The following MAPK10 variants were observed in gnomAD, a reference collection of about 807,000 sequenced individuals.
MAPK10 encodes mitogen-activated protein kinase 10.
In MAPK10, 25 loss-of-function variants were observed where a neutral mutation model predicts 59.3. The observed-to-expected ratio is 0.42, with a 90% confidence interval of 0.31 to 0.59. The LOEUF is 0.59. Ranked by LOEUF, MAPK10 falls within the 20% of genes least tolerant of loss-of-function variation. MAPK10 has a pLI of 0.15. For synonymous variants in MAPK10, 190 were observed against 200.5 expected, an observed-to-expected ratio of 0.95 and a Z score of 0.44; for missense variants, 351 against 568.9, an observed-to-expected ratio of 0.62 and a Z score of 3.90.
At chr4:86,592,848 T>C (rs1268615143) in intron 1 of MAPK10, among the ~76,000 whole-genome samples, 1 of 152,220 alleles carries the variant, frequency 6.6e-6, no homozygotes, top group African/African-American at 2.4e-5. Context: ...CCATTTTACA[T>C]AGCAAACTTT....
chr4:86,203,307 G>A (rs1330838536), intron 2 of MAPK10, among the ~76,000 whole-genome samples: 1 of 151,854 alleles, frequency 6.6e-6, no homozygotes, highest in East Asian at 1.9e-4. Context: ...GAATTTATTA[G>A]GCTGAATTGG....
intron 11 of MAPK10, among the ~76,000 whole-genome samples, chr4:86,055,111 T>A (rs2054731999): frequency 6.6e-6 from 1 of 152,196 alleles, no homozygotes; most frequent in Admixed American, 6.5e-5. Flanking sequence ...ACCAGTGACC[T>A]GCACACAGAT....
At chr4:86,035,026 A>T (rs550619100) in intron 11 of MAPK10, among the ~76,000 whole-genome samples, 13 of 152,296 alleles carry the variant, frequency 8.5e-5, no homozygotes, top group Non-Finnish European at 1.8e-4. Context: ...GTGACAAGAT[A>T]TAAGAGCTGT....
intron 2 of MAPK10, among the ~76,000 whole-genome samples, chr4:86,274,576 T>G (rs1038989613): frequency 1.3e-5 from 2 of 152,008 alleles, no homozygotes; most frequent in African/African-American, 2.4e-5. Flanking sequence ...TTTACTTTCT[T>G]TTCCCTCTTG....
chr4:86,392,553 T>C (rs1341770899), intron 1 of MAPK10: 1 of 152,068 alleles, frequency 6.6e-6, no homozygotes, highest in African/African-American at 2.4e-5. Flanking sequence ...CCCTTTTTAC[T>C]AAGCTATTTT....
chr4:86,047,640 G>A (rs71603479), intron 11 of MAPK10, among the ~76,000 whole-genome samples: 13,113 of 152,164 alleles, frequency 0.086, 798 homozygotes, highest in Non-Finnish European at 0.13. Context: ...GTGTGTGTAC[G>A]TGTGTGTGTG....
intron 2 of MAPK10, among the ~76,000 whole-genome samples, chr4:86,278,660 C>T (rs1460395689): frequency 6.6e-6 from 1 of 151,974 alleles, no homozygotes; most frequent in Non-Finnish European, 1.5e-5. Flanking sequence ...AAAAAATAAA[C>T]ATATAGTCAC....
chr4:86,237,986 T>C (rs2092406026), intron 2 of MAPK10, among the ~76,000 whole-genome samples: 1 of 152,234 alleles, frequency 6.6e-6, no homozygotes, highest in Non-Finnish European at 1.5e-5. Context: ...GGGTTTTACA[T>C]TTAAGTCATT....
chr4:86,262,760 C>G (rs888833172), intron 2 of MAPK10, among the ~76,000 whole-genome samples: 2 of 152,146 alleles, frequency 1.3e-5, no homozygotes, highest in African/African-American at 4.8e-5. Context: ...ATTCAGTTGC[C>G]CCAGCTCTGC....
chr4:86,107,508 G>A (rs997199417), intron 4 of MAPK10, 156 bp from the exon 5 acceptor site: 4 of 1,316,404 alleles, frequency 3.0e-6, no homozygotes, highest in Non-Finnish European at 3.9e-6. Flanking sequence ...GTAAAGATAT[G>A]AGTGACTGGC....
In MAPK10 at chr4:86,034,148, G is replaced by A. The variant is rs144500555; in HGVS notation, c.1111-2717C>T. Among the ~76,000 whole-genome samples the A allele has an allele frequency of 1.3e-3, 203 of 152,274 alleles. 1 individual carries two copies. Among genetic ancestry groups the A allele is most frequent in the African/African-American group, 4.5e-3 (189 of 41,562 alleles). On this transcript the variant is annotated intron_variant, in intron 11 of 13. Transcript: ENST00000641462. ...GAGTTTAGCAGATAAGAGTAATTGA[G>A]ATGTGAGAAATGAAGGATAAGAGGA...
At chr4:86,356,755 A>G (rs1418902012) in intron 1 of MAPK10, 1 of 152,216 alleles carries the variant, frequency 6.6e-6, no homozygotes, top group Non-Finnish European at 1.5e-5. Flanking sequence ...TCAGCAGTAC[A>G]GTGTCTCATC....
intron 2 of MAPK10, among the ~76,000 whole-genome samples, chr4:86,206,675 G>T (rs1344579163): frequency 1.3e-5 from 2 of 152,168 alleles, no homozygotes; most frequent in African/African-American, 2.4e-5. Context: ...GTGTAAAATT[G>T]TTCCTATTTC....
chr4:86,053,167 T>C (rs1352669460), intron 11 of MAPK10, among the ~76,000 whole-genome samples: 2 of 152,168 alleles, frequency 1.3e-5, no homozygotes, highest in Non-Finnish European at 2.9e-5. Context: ...GGTACAGAAC[T>C]GATGTGGCCT....
chr4:86,391,615 C>T (rs1465238056), intron 1 of MAPK10, among the ~76,000 whole-genome samples: 2 of 152,116 alleles, frequency 1.3e-5, no homozygotes, highest in African/African-American at 4.8e-5. Context: ...TCTCTGGGGA[C>T]ACTCAAGTGA....
intron 11 of MAPK10, among the ~76,000 whole-genome samples, chr4:86,060,681 C>T (rs528291123): frequency 1.6e-4 from 25 of 152,132 alleles, no homozygotes; most frequent in Admixed American, 4.6e-4. Context: ...TCCCAAAAAT[C>T]TCCTACTGAT....
intron 1 of MAPK10, among the ~76,000 whole-genome samples, chr4:86,462,632 G>C (rs1309485533): frequency 1.3e-5 from 2 of 152,162 alleles, no homozygotes; most frequent in African/African-American, 4.8e-5. Flanking sequence ...AGCCCTTGAA[G>C]TATATCAAAG....
intron 1 of MAPK10, among the ~76,000 whole-genome samples, chr4:86,579,414 C>G (rs1762110021): frequency 6.6e-6 from 1 of 152,060 alleles, no homozygotes; most frequent in African/African-American, 2.4e-5. Context: ...CTGCCATGCA[C>G]ATTTACCTCA....
At chr4:86,280,084 T>C (rs1446589243) in intron 2 of MAPK10, among the ~76,000 whole-genome samples, 1 of 152,112 alleles carries the variant, frequency 6.6e-6, no homozygotes, top group Non-Finnish European at 1.5e-5. Flanking sequence ...CTCAAAAGCA[T>C]TGCAACAAAA....
Sources: gnomAD v4.1 joint callset for allele counts (sites outside exome capture counted in the v4.1 genomes callset) on GRCh38, gnomAD v4.1.1 for gene constraint, MANE v1.5 for transcripts, NCBI Gene and HGNC (gene_info 2026-07-23, HGNC 2026-07-21) for gene names.